The following ADAM22 variants were observed in gnomAD, a reference collection of about 807,000 sequenced individuals.
ADAM22 encodes disintegrin and metalloproteinase domain-containing protein 22.
ADAM22 carries 65 observed loss-of-function variants against 144.6 expected under a neutral mutation model. The ratio of observed to expected loss-of-function variants is 0.45; its 90% CI spans 0.37 to 0.55. The LOEUF is 0.55. Among genes scored for constraint, ADAM22 ranks in the 20% least tolerant of loss-of-function variants. The pLI, the probability that ADAM22 is intolerant of heterozygous loss-of-function variation, is 0.00. For synonymous variants in ADAM22, 391 were observed against 412.6 expected, an observed-to-expected ratio of 0.95 and a Z score of 0.63; for missense variants, 974 against 1,184.9, an observed-to-expected ratio of 0.82 and a Z score of 2.61.
chr7:88,106,218 A>G (rs1268159732), intron 4 of ADAM22, among the ~76,000 whole-genome samples: 1 of 151,990 alleles, frequency 6.6e-6, no homozygotes, highest in Non-Finnish European at 1.5e-5. Flanking sequence ...GTACCACCCT[A>G]TCTTCTCCAT....
chr7:88,171,018 C>T (rs972771424), intron 25 of ADAM22, among the ~76,000 whole-genome samples: 32 of 151,858 alleles, frequency 2.1e-4, no homozygotes, highest in African/African-American at 7.7e-4. Flanking sequence ...TTAACAGTCA[C>T]GAATTGACTC....
At chr7:88,083,156 C>T (rs572849940) in intron 4 of ADAM22, among the ~76,000 whole-genome samples, 49 of 152,174 alleles carry the variant, frequency 3.2e-4, no homozygotes, top group African/African-American at 1.2e-3. Context: ...TACTATGCAG[C>T]CATAAAAAAT....
chr7:88,084,407 T>C (rs942358670), intron 4 of ADAM22, among the ~76,000 whole-genome samples: 5 of 152,178 alleles, frequency 3.3e-5, no homozygotes, highest in African/African-American at 9.7e-5. Flanking sequence ...GTGGTTTATT[T>C]TTCCCTTTAA....
intron 3 of ADAM22, among the ~76,000 whole-genome samples, chr7:88,045,367 C>G (rs1460671341): frequency 6.6e-6 from 1 of 152,042 alleles, no homozygotes; most frequent in Non-Finnish European, 1.5e-5. Flanking sequence ...CTTTCTATGT[C>G]TTGCAGTTAG....
intron 3 of ADAM22, among the ~76,000 whole-genome samples, chr7:87,982,363 T>A (rs1303338827): frequency 6.6e-6 from 1 of 151,292 alleles, no homozygotes. Context: ...TCTAAGGAGG[T>A]GACATTTGAA....
chr7:88,087,465 G>A lies in ADAM22; in HGVS notation c.390+11773G>A, dbSNP rs116367576. 1.9e-3 allele frequency among the ~76,000 whole-genome samples: 289 copies of A among 152,264 alleles called. 3 individuals carry two copies. The highest frequency in any genetic ancestry group is 6.4e-3 in the African/African-American group (268 of 41,556). On this transcript the variant is annotated intron_variant, in intron 4 of 31. Transcript: ENST00000413139. ...TTTATTTTTGTTTGAATGAACGTAT[G>A]AGGAAAATAACCATAGTATGAATTT...
At chr7:87,988,014 A>G (rs1469240687) in intron 3 of ADAM22, among the ~76,000 whole-genome samples, 1 of 152,180 alleles carries the variant, frequency 6.6e-6, no homozygotes, top group African/African-American at 2.4e-5. Context: ...TATTTTGTCT[A>G]TAATAAAATT....
intron 4 of ADAM22, among the ~76,000 whole-genome samples, chr7:88,086,133 G>A (rs184260190): frequency 1.7e-4 from 26 of 152,176 alleles, no homozygotes; most frequent in Admixed American, 2.6e-4. Flanking sequence ...CTGAGATTGC[G>A]CCACTGCACT....
intron 15 of ADAM22, among the ~76,000 whole-genome samples, chr7:88,143,609 A>G (rs548294083): frequency 6.6e-6 from 1 of 152,276 alleles, no homozygotes; most frequent in East Asian, 1.9e-4. Context: ...GAAATGGAGA[A>G]AGTCTTGGAC....
At chr7:88,049,994 A>G (rs1805779451) in intron 3 of ADAM22, among the ~76,000 whole-genome samples, 3 of 152,102 alleles carry the variant, frequency 2.0e-5, no homozygotes, top group Admixed American at 2.0e-4. Context: ...CAGATACAGA[A>G]CATGGTTTTT....
chr7:88,091,729 A>G (rs974991629), intron 4 of ADAM22, among the ~76,000 whole-genome samples: 18 of 152,308 alleles, frequency 1.2e-4, no homozygotes, highest in Non-Finnish European at 1.9e-4. Flanking sequence ...AATCTACTGT[A>G]GTTTATCCTC....
chr7:88,067,483 T>C, intron 3 of ADAM22, among the ~76,000 whole-genome samples: 1 of 151,948 alleles, frequency 6.6e-6, no homozygotes, highest in South Asian at 2.1e-4. Flanking sequence ...CAGGCCATTA[T>C]ATGTTAATAG....
At chr7:87,948,328 C>T (rs1198326296) in intron 2 of ADAM22, among the ~76,000 whole-genome samples, 2 of 152,314 alleles carry the variant, frequency 1.3e-5, no homozygotes, top group Middle Eastern at 3.4e-3. Context: ...TAATTCAACA[C>T]GCTTTCCATT....
At chr7:88,084,252 A>C (rs570202139) in intron 4 of ADAM22, among the ~76,000 whole-genome samples, 1 of 152,170 alleles carries the variant, frequency 6.6e-6, no homozygotes, top group Admixed American at 6.5e-5. Flanking sequence ...TACGTAACTC[A>C]TGAAGCGCTG....
intron 29 of ADAM22, chr7:88,186,189 A>G (rs1848270233): frequency 9.2e-6 from 2 of 216,948 alleles, no homozygotes; most frequent in African/African-American, 4.8e-5. Context: ...AGGGTGTTGT[A>G]TGCCCAAATG....
At position 88,007,531 on chromosome 7, in the gene ADAM22, G is replaced by A. The variant is rs531963097; in HGVS notation, c.323+29119G>A. 2.6e-5 allele frequency among the ~76,000 whole-genome samples: 4 copies of A among 152,200 alleles called. No individual in the cohort carries two copies. In the South Asian group the frequency reaches 8.3e-4, roughly 32 times the overall value. On this transcript the variant is annotated intron_variant, in intron 3 of 31. Transcript: ENST00000413139. ...AGTCTACAGTAACCAAAACAGCATG[G>A]TACTGGTACCAAAACAGACGTATAG...
chr7:88,048,570 CAT>C, intron 3 of ADAM22, among the ~76,000 whole-genome samples: 1 of 152,002 alleles, frequency 6.6e-6, no homozygotes. Flanking sequence ...AAAGATTGAA[CAT>C]ATGTTTTGAA....
At chr7:87,938,948 C>G (rs1187204266) in intron 2 of ADAM22, among the ~76,000 whole-genome samples, 1 of 152,218 alleles carries the variant, frequency 6.6e-6, no homozygotes, top group African/African-American at 2.4e-5. Flanking sequence ...CGCGGCTGGC[C>G]TAAAAGGCAT....
intron 4 of ADAM22, among the ~76,000 whole-genome samples, chr7:88,085,013 A>T (rs1818034462): frequency 6.6e-6 from 1 of 152,208 alleles, no homozygotes; most frequent in South Asian, 2.1e-4. Context: ...CTATTGAACT[A>T]GGACCCAACC....
Sources: gnomAD v4.1 joint callset for allele counts (sites outside exome capture counted in the v4.1 genomes callset) on GRCh38, gnomAD v4.1.1 for gene constraint, MANE v1.5 for transcripts, NCBI Gene and HGNC (gene_info 2026-07-23, HGNC 2026-07-21) for gene names.